PRMT8: variants seen among roughly 807,000 people sequenced by gnomAD.
The protein encoded by PRMT8 is protein arginine methyltransferase 8, also known as protein arginine N-methyltransferase 8.
A neutral mutation model predicts 47.1 loss-of-function variants in PRMT8; 7 were observed. The ratio of observed to expected loss-of-function variants is 0.15; its 90% CI spans 0.08 to 0.28. The LOEUF is 0.28. Among genes scored for constraint, PRMT8 ranks in the 10% least tolerant of loss-of-function variants. The pLI is 1.00. For synonymous variants in PRMT8, 188 were observed against 186.5 expected (o/e 1.01, Z -0.07); for missense variants, 237 against 505.4 (o/e 0.47, Z 5.09).
chr12:3,407,455 C>A lies in PRMT8; in HGVS notation c.48+26013C>A, dbSNP rs535950637. Among the ~76,000 whole-genome samples, 3 of 152,224 alleles carry A rather than the reference C, an allele frequency of 2.0e-5. No homozygotes were observed. In the East Asian group the frequency reaches 5.8e-4, roughly 29 times the overall value. On this transcript the variant is annotated intron_variant, in intron 1 of 9. Coordinates refer to the PRMT8 transcript ENST00000452611. The stretch of plus-strand genomic sequence containing the variant: ...CATTCTATCCTGTCTTGCAACATTT[C>A]TCCTGAGAACTCTGTTGATGGTTCT...
At chr12:3,521,546 C>T (rs540316706) in intron 1 of PRMT8, among the ~76,000 whole-genome samples, 61 of 152,210 alleles carry the variant, frequency 4.0e-4, no homozygotes, top group African/African-American at 1.3e-3. Context: ...TGCACTCCAG[C>T]CTGGGCAGCA....
intron 1 of PRMT8, among the ~76,000 whole-genome samples, chr12:3,455,893 G>A (rs1191651837): frequency 1.3e-5 from 2 of 152,180 alleles, no homozygotes; most frequent in African/African-American, 4.8e-5. Flanking sequence ...ACCATAGGTG[G>A]GACAGGGCCG....
rs1299679425 is a variant in PRMT8 at position 3,436,663 on chromosome 12, G to T, written c.48+55221G>T. Among the ~76,000 whole-genome samples the T allele has an allele frequency of 6.6e-6, 1 of 152,120 alleles. No individual in the cohort carries two copies. Among genetic ancestry groups the T allele is most frequent in the Non-Finnish European group, 1.5e-5 (1 of 68,028 alleles). ...GGTGCATGGCCATAATTGGGTTACG[G>T]GGCTGCTAATATGATTGTGCTGCCT... On this transcript the variant is annotated intron_variant, in intron 1 of 9. Coordinates refer to the PRMT8 transcript ENST00000452611. This position sits in a 1 kb window ranked among gnomAD's most constrained non-coding sequence, Gnocchi z 4.2.
In PRMT8 at chr12:3,453,866, A is replaced by G. The variant is rs141045556; in HGVS notation, c.48+72424A>G. 9.3e-3 allele frequency among the ~76,000 whole-genome samples: 1,423 copies of G among 152,262 alleles called. 8 individuals are homozygous for G. Among genetic ancestry groups the G allele is most frequent in the African/African-American group, 0.016 (651 of 41,558 alleles). ...GCCGGCCCTGCTCCGGCGATTGAAA[A>G]TGACTGCAGCCTCGGGTGCAGCCTT... On this transcript the variant is annotated intron_variant, in intron 1 of 9. Transcript: ENST00000452611. The surrounding 1 kb of genome is among the most constrained non-coding windows in gnomAD (Gnocchi z 4.9).
chr12:3,474,454 A>G (rs894440240), intron 1 of PRMT8, among the ~76,000 whole-genome samples: 2 of 152,004 alleles, frequency 1.3e-5, no homozygotes, highest in African/African-American at 4.8e-5. Flanking sequence ...TTCTGCTCCC[A>G]GCCCATCCCC....
chr12:3,452,638 T>G lies in PRMT8; in HGVS notation c.48+71196T>G, dbSNP rs185135151. The stretch of plus-strand genomic sequence containing the variant: ...CTCAGGATTGTCACCTGCAGGGCAG[T>G]TGTATAGCCCAGAAGCACGTTGCTT... On this transcript the variant is annotated intron_variant, in intron 1 of 9. Transcript: ENST00000452611. Among the ~76,000 whole-genome samples the G allele has an allele frequency of 5.9e-5, 9 of 152,214 alleles. No individual in the cohort carries two copies. In the East Asian group the frequency reaches 1.7e-3, roughly 29 times the overall value.
chr12:3,388,328 T>A (rs901342989), intron 1 of PRMT8, among the ~76,000 whole-genome samples: 8 of 152,194 alleles, frequency 5.3e-5, no homozygotes, highest in African/African-American at 1.9e-4. Context: ...ATTGCATAAG[T>A]GACATTGTGT....
intron 1 of PRMT8, among the ~76,000 whole-genome samples, chr12:3,512,195 A>G (rs1439520935): frequency 2.6e-5 from 4 of 152,098 alleles, no homozygotes; most frequent in Admixed American, 6.5e-5. Flanking sequence ...GTTTGACTTG[A>G]TACCCACTGC....
intron 4 of PRMT8, 84 bp from the exon 5 acceptor site, chr12:3,568,622 T>G (rs561070915): frequency 1.7e-4 from 254 of 1,507,640 alleles, no homozygotes; most frequent in Admixed American, 1.1e-3. Flanking sequence ...GGCTGAAACC[T>G]GGAGATCTGG....
Position 3,566,477 on chromosome 12 carries a change from T to C in PRMT8, c.482-2229T>C, listed in dbSNP as rs747806101. ...GGCCACCCAAGACTGAACCTCACTG[T>C]AGAGTGACCAGGGTCAATGCATGTG... is the stretch of plus-strand genomic sequence containing the variant. On this transcript the variant is annotated intron_variant, in intron 4 of 9. Coordinates refer to ENST00000382622, the MANE Select transcript of PRMT8 (RefSeq NM_019854.5). The surrounding 1 kb of genome is among the most constrained non-coding windows in gnomAD (Gnocchi z 4.7). Among the ~76,000 whole-genome samples, 3 of 152,202 alleles carry C rather than the reference T, an allele frequency of 2.0e-5. No homozygotes were observed. Among genetic ancestry groups the C allele is most frequent in the Non-Finnish European group, 4.4e-5 (3 of 68,032 alleles).
At chr12:3,478,250 G>T (rs758217121) in intron 1 of PRMT8, among the ~76,000 whole-genome samples, 48 of 147,792 alleles carry the variant, frequency 3.2e-4, no homozygotes, top group Middle Eastern at 3.5e-3. Context: ...TATATCTATT[G>T]ATCCACCTAT....
At chr12:3,547,542 C>A (rs925887221) in intron 2 of PRMT8, among the ~76,000 whole-genome samples, 1 of 152,084 alleles carries the variant, frequency 6.6e-6, no homozygotes, top group Non-Finnish European at 1.5e-5. Context: ...CCTTGGGAGG[C>A]CAAGGTGGGC....
intron 1 of PRMT8, among the ~76,000 whole-genome samples, chr12:3,495,699 G>GTAATAAATGT (rs1190771977): frequency 1.3e-5 from 2 of 152,142 alleles, no homozygotes; most frequent in African/African-American, 4.8e-5. Flanking sequence ...CACACAATAA[G>GTAATAAATGT]TAATAAATGT....
intron 1 of PRMT8, among the ~76,000 whole-genome samples, chr12:3,437,099 C>G (rs942721073): frequency 6.6e-6 from 1 of 152,206 alleles, no homozygotes; most frequent in Non-Finnish European, 1.5e-5. Context: ...TTCAACCCCA[C>G]CCTCCTGGGG....
At chr12:3,563,057 T>A (rs565831761) in intron 4 of PRMT8, among the ~76,000 whole-genome samples, 1 of 152,130 alleles carries the variant, frequency 6.6e-6, no homozygotes, top group South Asian at 2.1e-4. Context: ...CTTGTGGCCA[T>A]GGTGCTGGGT....
chr12:3,537,204 C>T (rs138514798), intron 1 of PRMT8, among the ~76,000 whole-genome samples: 1 of 152,306 alleles, frequency 6.6e-6, no homozygotes, highest in East Asian at 1.9e-4. Context: ...GGGAGAAGAG[C>T]TTATCTGGTA....
chr12:3,428,888 C>A (rs1478460389), intron 1 of PRMT8, among the ~76,000 whole-genome samples: 4 of 151,718 alleles, frequency 2.6e-5, no homozygotes, highest in Non-Finnish European at 4.4e-5. Flanking sequence ...CTTACTCTCT[C>A]CGCCTGTCTC....
intron 1 of PRMT8, among the ~76,000 whole-genome samples, chr12:3,408,731 G>A (rs192804268): frequency 5.3e-4 from 81 of 152,288 alleles, no homozygotes; most frequent in African/African-American, 1.9e-3. Context: ...CATAGGGAAA[G>A]ACTCACCTGC....
chr12:3,429,926 C>G (rs1184269134), intron 1 of PRMT8, among the ~76,000 whole-genome samples: 1 of 152,214 alleles, frequency 6.6e-6, no homozygotes, highest in Non-Finnish European at 1.5e-5. Context: ...AAGGGGCTGC[C>G]TCAACTGTCT....
Sources: allele counts gnomAD v4.1 joint callset (sites outside exome capture counted in the v4.1 genomes callset), GRCh38; gene constraint gnomAD v4.1.1; non-coding constraint Gnocchi (gnomAD v3.1); transcripts MANE v1.5; gene names NCBI Gene and HGNC (gene_info 2026-07-23, HGNC 2026-07-21).